The following CWC22 variants were observed in gnomAD, a reference collection of about 807,000 sequenced individuals.
CWC22 encodes CWC22 spliceosome associated protein, also known as pre-mRNA-splicing factor CWC22 homolog.
In CWC22, 53 loss-of-function variants were observed where a neutral mutation model predicts 117.2. The observed-to-expected ratio is 0.45, with a 90% confidence interval of 0.36 to 0.57. The LOEUF (loss-of-function observed/expected upper bound fraction) is 0.57. CWC22 is among the 20% of genes least tolerant of loss of function. The pLI is 0.00. For synonymous variants in CWC22, 360 were observed against 355.6 expected (o/e 1.01, Z -0.14); for missense variants, 980 against 1,068.8 (o/e 0.92, Z 1.16).
At chr2:179,956,080 T>C (rs1286503568) in intron 14 of CWC22, among the ~76,000 whole-genome samples, 1 of 151,934 alleles carries the variant, frequency 6.6e-6, no homozygotes, top group Non-Finnish European at 1.5e-5. Context: ...CAATGAACAA[T>C]TTTGACATTT....
Position 179,970,544 on chromosome 2 carries a change from AG to A in CWC22, c.1166del (p.Pro389LeufsTer54), listed in dbSNP as rs1687005494. 6.5e-7 allele frequency: 1 copy of A among 1,545,814 alleles called. No individual in the cohort carries two copies. Among genetic ancestry groups the A allele is most frequent in the Admixed American group, 2.0e-5 (1 of 50,782 alleles). ...ACTTCTCTTCATTCTCCATAAAATT[AG>A]GATCCATCTTGAAAACATCTAAAAA... ...EDVLNVFKMD[P>X]NFMENEEKYK... On this transcript the variant is annotated frameshift_variant, in exon 11 of 20. Transcript: ENST00000410053. LOFTEE classifies it high-confidence loss of function.
intron 4 of CWC22, among the ~76,000 whole-genome samples, chr2:179,986,031 C>T (rs915871215): frequency 5.9e-5 from 9 of 152,148 alleles, no homozygotes; most frequent in Non-Finnish European, 7.4e-5. Context: ...ACATGAATGG[C>T]ACTTAATGTC....
At chr2:179,949,281 T>C (rs1276167898) in intron 19 of CWC22, among the ~76,000 whole-genome samples, 7 of 152,108 alleles carry the variant, frequency 4.6e-5, no homozygotes, top group African/African-American at 1.4e-4. Flanking sequence ...GCAATACATA[T>C]ATGTACAAAA....
chr2:179,977,264 G>A lies in CWC22; in HGVS notation c.581+926C>T, dbSNP rs1417366899. On this transcript the variant is annotated intron_variant, in intron 6 of 19. Coordinates refer to ENST00000410053, the MANE Select transcript of CWC22 (RefSeq NM_020943.3). ...GAAAATGAGATCAGTATGTTGAAGA[G>A]GTATCTGCACTCCCACATTTATTGC... Among the ~76,000 whole-genome samples, 4 of 152,074 alleles carry A rather than the reference G, an allele frequency of 2.6e-5. No homozygotes were observed. In the East Asian group the frequency reaches 5.8e-4, roughly 22 times the overall value.
At chr2:179,987,578 G>T (rs377273145) in intron 3 of CWC22, among the ~76,000 whole-genome samples, 7 of 152,238 alleles carry the variant, frequency 4.6e-5, no homozygotes, top group African/African-American at 1.4e-4. Context: ...CAATTAACTT[G>T]ATGTTCACAA....
intron 15 of CWC22, among the ~76,000 whole-genome samples, 166 bp downstream of exon 15, chr2:179,954,791 T>C (rs1017187867): frequency 2.0e-5 from 3 of 151,806 alleles, no homozygotes; most frequent in East Asian, 1.9e-4. Flanking sequence ...AAAAATGAAG[T>C]AGAAAAAGAG....
chr2:179,992,497 T>A (rs1348828158), intron 2 of CWC22, among the ~76,000 whole-genome samples: 2 of 152,086 alleles, frequency 1.3e-5, no homozygotes, highest in Non-Finnish European at 2.9e-5. Flanking sequence ...GCCCTACTCA[T>A]CCCTCTATTA....
chr2:179,964,708 T>G, intron 12 of CWC22, 80 bp from the exon 13 acceptor site: 1 of 640,360 alleles, frequency 1.6e-6, no homozygotes, highest in Non-Finnish European at 2.7e-6. Flanking sequence ...TAGCATTTTC[T>G]TCAAAAATCT....
intron 1 of CWC22, among the ~76,000 whole-genome samples, chr2:180,004,516 C>A (rs966826168): frequency 6.6e-6 from 1 of 152,114 alleles, no homozygotes; most frequent in East Asian, 1.9e-4. Flanking sequence ...CTCAGCCACC[C>A]GAGTAGCTGG....
chr2:179,948,802 C>T (rs549094400), intron 19 of CWC22, among the ~76,000 whole-genome samples: 4 of 151,802 alleles, frequency 2.6e-5, no homozygotes, highest in African/African-American at 9.6e-5. Flanking sequence ...ACTGAGAATA[C>T]AATTAAATGC....
intron 11 of CWC22, among the ~76,000 whole-genome samples, chr2:179,967,794 T>C (rs1052954805): frequency 6.6e-6 from 1 of 152,254 alleles, no homozygotes; most frequent in East Asian, 1.9e-4. Context: ...CTTGTGTGAC[T>C]GCTTGCTTTG....
rs377065316 is a variant in CWC22 at position 179,986,719 on chromosome 2, G to C, written c.182C>G (p.Ser61Cys). 1 of 1,600,158 alleles carries C rather than the reference G, an allele frequency of 6.2e-7. No homozygotes were observed. Among genetic ancestry groups the C allele is most frequent in the Non-Finnish European group, 8.6e-7 (1 of 1,169,254 alleles). The change falls in exon 4 of 20, where the codon TCT (serine) becomes TGT (cysteine). Residue 61 changes from serine (S) to cysteine (C), a missense_variant. Around this residue, in one of 3 missense-constraint regions of CWC22, gnomAD observed 559 missense variants for 602.3 expected, o/e 0.93. Transcript: ENST00000410053. Reference protein sequence around the residue: ...SDYEHSRRGRSYDSSMESRNR... With the variant: ...SDYEHSRRGRCYDSSMESRNR... The stretch of plus-strand genomic sequence containing the variant: ...CCGTGACTCCATGCTACTATCATAA[G>C]AACGTCCTCTTCTTGAATGCTCATA...
intron 1 of CWC22, among the ~76,000 whole-genome samples, chr2:179,995,567 C>G (rs953438169): frequency 6.6e-6 from 1 of 152,130 alleles, no homozygotes; most frequent in Non-Finnish European, 1.5e-5. Flanking sequence ...CACTTCTGAA[C>G]AAATTTTTTA....
chr2:179,992,476 C>G (rs918708703), intron 2 of CWC22, among the ~76,000 whole-genome samples: 15 of 152,130 alleles, frequency 9.9e-5, no homozygotes, highest in African/African-American at 3.6e-4. Flanking sequence ...AAATGGCTAT[C>G]TTTTCAATGG....
At chr2:179,974,420 T>C (rs950676627) in intron 6 of CWC22, among the ~76,000 whole-genome samples, 3 of 152,226 alleles carry the variant, frequency 2.0e-5, no homozygotes, top group Admixed American at 6.5e-5. Flanking sequence ...CATGTTTCTA[T>C]ATGCATTTGA....
At chr2:179,978,388 A>G in intron 5 of CWC22, 70 bp from the exon 6 acceptor site, 1 of 1,353,070 alleles carries the variant, frequency 7.4e-7, no homozygotes. Flanking sequence ...GAACATAAAA[A>G]CTACATAGTG....
intron 17 of CWC22, among the ~76,000 whole-genome samples, chr2:179,951,875 C>A (rs967615060): frequency 1.3e-5 from 2 of 151,926 alleles, no homozygotes; most frequent in Non-Finnish European, 2.9e-5. Context: ...TAGTCAACTG[C>A]ATAAGTGAGG....
chr2:179,945,654 G>C lies in CWC22; in HGVS notation c.2202C>G (p.Ile734Met). Residue 734 changes from isoleucine to methionine, a missense_variant, in exon 20 of 20, where the codon ATC becomes ATG. Ile to Met is a conservative substitution (Grantham distance 10). Coordinates refer to ENST00000410053, the MANE Select transcript of CWC22 (RefSeq NM_020943.3). Reference protein sequence around the residue: ...KTRSKEVDKLIRNQQTNDRKQ... With the variant: ...KTRSKEVDKLMRNQQTNDRKQ... ...TCCTATCATTTGTTTGCTGGTTTCTGATCAATTTATCTACCTCTTTACTTC... is the reference window on the plus strand; with the variant it reads ...TCCTATCATTTGTTTGCTGGTTTCTCATCAATTTATCTACCTCTTTACTTC... 6.2e-7 allele frequency: 1 copy of C among 1,611,080 alleles called. No individual in the cohort carries two copies. Among genetic ancestry groups the C allele is most frequent in the Non-Finnish European group, 8.5e-7 (1 of 1,179,362 alleles).
At chr2:179,973,949 TA>T in intron 6 of CWC22, 147 bp from the exon 7 acceptor site, 1 of 447,332 alleles carries the variant, frequency 2.2e-6, no homozygotes, top group Non-Finnish European at 3.9e-6. Flanking sequence ...GTCTTACTAA[TA>T]AATAAAAATT....
Sources: allele counts gnomAD v4.1 joint callset (sites outside exome capture counted in the v4.1 genomes callset), GRCh38; gene constraint gnomAD v4.1.1; regional missense constraint gnomAD v4.1.1; transcripts MANE v1.5; gene names NCBI Gene and HGNC (gene_info 2026-07-23, HGNC 2026-07-21).